A4GALT: variants seen among roughly 807,000 people sequenced by gnomAD.
A4GALT encodes lactosylceramide 4-alpha-galactosyltransferase.
For synonymous variants in A4GALT, 257 were observed against 220.7 expected (o/e 1.16, Z -1.46); for missense variants, 512 against 486.0 (o/e 1.05, Z -0.50).
At chr22:42,706,354 C>CA (rs1164664187) in intron 1 of A4GALT, among the ~76,000 whole-genome samples, 7,125 of 82,506 alleles carry the variant, frequency 0.086, 114 homozygotes, top group Non-Finnish European at 0.11. Flanking sequence ...GACTCCATCC[C>CA]AAAAAAAAAA....
chr22:42,704,582 G>C (rs967865753), intron 1 of A4GALT, among the ~76,000 whole-genome samples: 1 of 151,834 alleles, frequency 6.6e-6, no homozygotes, highest in Non-Finnish European at 1.5e-5. Flanking sequence ...CGGAGCAGAG[G>C]TTACAAAATA....
intron 1 of A4GALT, among the ~76,000 whole-genome samples, chr22:42,701,372 AG>A (rs1931288742): frequency 6.6e-6 from 1 of 152,128 alleles, no homozygotes; most frequent in African/African-American, 2.4e-5. Flanking sequence ...CTCAGACAGG[AG>A]CCCGAGGTGG....
chr22:42,693,639 G>T lies in A4GALT; in HGVS notation c.313C>A (p.His105Asn). ...AGGACCAGCACGTGGGATTCGGGGT[G>T]AGTTCTGGCGGCCGACTCCACCGAG... ...MCSVESAARTHPESHVLVLMK... is the reference protein window; with the variant it reads ...MCSVESAARTNPESHVLVLMK... Residue 105 changes from histidine (H) to asparagine (N), a missense_variant, in exon 3 of 3, where the codon CAC becomes AAC. His to Asn is a moderately conservative substitution (Grantham distance 68). Transcript: ENST00000642412. The T allele has an allele frequency of 6.2e-7, 1 of 1,612,020 alleles. No homozygotes were observed. Among genetic ancestry groups the T allele is most frequent in the South Asian group, 1.1e-5 (1 of 90,996 alleles).
At chr22:42,704,291 C>G (rs28992190) in intron 1 of A4GALT, among the ~76,000 whole-genome samples, 193 of 151,862 alleles carry the variant, frequency 1.3e-3, no homozygotes, top group African/African-American at 4.1e-3. Context: ...GACTAGCCTG[C>G]CCAATATGGT....
intron 1 of A4GALT, among the ~76,000 whole-genome samples, chr22:42,709,069 T>TA (rs1569059842): frequency 7.2e-4 from 33 of 46,056 alleles, no homozygotes; most frequent in African/African-American, 1.2e-3. Flanking sequence ...ATATATATAT[T>TA]TTTTTTAAGA....
intron 1 of A4GALT, among the ~76,000 whole-genome samples, 171 bp from the exon 2 acceptor site, chr22:42,695,802 C>G (rs1175358071): frequency 6.6e-6 from 1 of 152,110 alleles, no homozygotes; most frequent in Non-Finnish European, 1.5e-5. Flanking sequence ...CACTGGTACC[C>G]AGGAGAAGGG....
In A4GALT at chr22:42,694,017, G is replaced by A. The variant is rs1055819695; in HGVS notation, c.-46-20C>T. On this transcript the variant is annotated intron_variant, in intron 2 of 2. Coordinates refer to ENST00000642412, the MANE Select transcript of A4GALT (RefSeq NM_017436.7). ...GCTGGTCTGCAAGAGATGAGCACCC[G>A]CCATCAGGGAGGCCGTTGGCATTCC... is the stretch of plus-strand genomic sequence containing the variant. 23 of 1,385,212 alleles carry A rather than the reference G, an allele frequency of 1.7e-5. No homozygotes were observed. Among genetic ancestry groups the A allele is most frequent in the Middle Eastern group, 1.8e-4 (1 of 5,628 alleles). 85.8% of individuals were successfully genotyped at this position (1,385,212 alleles called of 1,614,324 possible). A position where few individuals can be genotyped will look rare whatever the true frequency, so the allele number is the denominator to read the frequency against.
At chr22:42,704,325 T>C (rs533762750) in intron 1 of A4GALT, among the ~76,000 whole-genome samples, 41 of 151,674 alleles carry the variant, frequency 2.7e-4, no homozygotes, top group Non-Finnish European at 4.7e-4. Flanking sequence ...TACTAAAAAA[T>C]ACAAAAATTA....
chr22:42,692,526 C>T lies in A4GALT; in HGVS notation c.*364G>A, dbSNP rs1191502549. ...CTCTCTGGGAATCTTGTCCCTTCTT[C>T]CCCATCCCCTTAGCACCGGCCTCTG... On this transcript the variant is annotated 3_prime_UTR_variant, in exon 3 of 3. Coordinates refer to ENST00000642412, the MANE Select transcript of A4GALT (RefSeq NM_017436.7). This position sits in a 1 kb window ranked among gnomAD's most constrained non-coding sequence, Gnocchi z 4.6. 5.0e-6 allele frequency: 2 copies of T among 402,708 alleles called. No homozygotes were observed. The highest frequency in any genetic ancestry group is 1.2e-4 in the East Asian group (2 of 16,246). The allele number at this position is 402,708 out of a possible 1,614,324, so 24.9% of individuals were successfully genotyped here. A position where few individuals can be genotyped will look rare whatever the true frequency, so the allele number is the denominator to read the frequency against.
intron 1 of A4GALT, among the ~76,000 whole-genome samples, chr22:42,706,595 G>A (rs551364462): frequency 6.6e-6 from 1 of 152,048 alleles, no homozygotes; most frequent in East Asian, 1.9e-4. Flanking sequence ...AGGAGTTCGA[G>A]ACCAGCCTGA....
At chr22:42,708,120 G>A (rs1921318899) in intron 1 of A4GALT, among the ~76,000 whole-genome samples, 1 of 151,700 alleles carries the variant, frequency 6.6e-6, no homozygotes, top group Non-Finnish European at 1.5e-5. Flanking sequence ...GGGTGTGGTG[G>A]CACCTACCTG....
At position 42,692,628 on chromosome 22, in the gene A4GALT, CTGT is replaced by C. The variant is rs1280056052; in HGVS notation, c.*259_*261del. ...GTGCCCTGAGGTTCATCCTTCCTGC[CTGT>C]TGTCTAGAAGGCCCGGGGCACTCAC... On this transcript the variant is annotated 3_prime_UTR_variant, in exon 3 of 3. Coordinates refer to ENST00000642412, the MANE Select transcript of A4GALT (RefSeq NM_017436.7). This position sits in a 1 kb window ranked among gnomAD's most constrained non-coding sequence, Gnocchi z 4.6. The C allele has an allele frequency of 1.6e-6, 1 of 625,410 alleles. No homozygotes were observed. The highest frequency in any genetic ancestry group is 2.1e-5 in the Admixed American group (1 of 47,374). 38.7% of individuals were successfully genotyped at this position (625,410 alleles called of 1,614,324 possible).
At chr22:42,706,220 T>C (rs1664614359) in intron 1 of A4GALT, among the ~76,000 whole-genome samples, 1 of 149,546 alleles carries the variant, frequency 6.7e-6, no homozygotes, top group Admixed American at 6.7e-5. Flanking sequence ...CCAGGCGTGG[T>C]GGCGGGCACC....
At chr22:42,714,838 T>C (rs1368060454) in intron 1 of A4GALT, among the ~76,000 whole-genome samples, 1 of 151,708 alleles carries the variant, frequency 6.6e-6, no homozygotes, top group Non-Finnish European at 1.5e-5. Context: ...CTCAGGGAGA[T>C]GGGCTGCGGG....
Position 42,693,098 on chromosome 22 carries a change from TA to T in A4GALT, c.853del (p.Tyr285ThrfsTer65). On this transcript the variant is annotated frameshift_variant, in exon 3 of 3. Coordinates refer to ENST00000642412, the MANE Select transcript of A4GALT (RefSeq NM_017436.7). LOFTEE classifies it high-confidence loss of function. Reference sequence around the variant, plus strand: ...CTTCCAGTCCTGCCAGGGGATGGGGTAGAAGGCCTCAGGGGGCAGGGTGGTG... The same window carrying T: ...CTTCCAGTCCTGCCAGGGGATGGGGTGAAGGCCTCAGGGGGCAGGGTGGTG... ...GVTTLPPEAF[Y>X]PIPWQDWKKY... 6.2e-7 allele frequency: 1 copy of T among 1,612,362 alleles called. No homozygotes were observed. Among genetic ancestry groups the T allele is most frequent in the Non-Finnish European group, 8.5e-7 (1 of 1,179,492 alleles).
Position 42,693,598 on chromosome 22 carries a change from C to G in A4GALT, c.354G>C (p.Pro118=). Residue 118 remains proline (P), a synonymous_variant, in exon 3 of 3, where the codon CCG becomes CCC. Transcript: ENST00000642412. The stretch of plus-strand genomic sequence containing the variant: ...GCCGGGGCAGAGAGGCGTTGCCACC[C>G]GGAAGCCCTTTCATCAGGACCAGCA... The part of the protein sequence containing the change: ...SHVLVLMKGL[P]GGNASLPRHL... 6.2e-7 allele frequency: 1 copy of G among 1,613,702 alleles called. No individual in the cohort carries two copies. Among genetic ancestry groups the G allele is most frequent in the Middle Eastern group, 1.6e-4 (1 of 6,062 alleles).
intron 1 of A4GALT, among the ~76,000 whole-genome samples, chr22:42,709,885 A>T (rs999965103): frequency 6.6e-6 from 1 of 152,234 alleles, no homozygotes; most frequent in African/African-American, 2.4e-5. Context: ...TTAGGAAATC[A>T]TGAATATAAT....
Position 42,692,893 on chromosome 22 carries a change from C to T in A4GALT, c.1059G>A (p.Leu353=), listed in dbSNP as rs759929569. 1 of 1,601,324 alleles carries T rather than the reference C, an allele frequency of 6.2e-7. No homozygotes were observed. Among genetic ancestry groups the T allele is most frequent in the South Asian group, 1.1e-5 (1 of 91,046 alleles). Residue 353 remains leucine, a synonymous_variant, in exon 3 of 3, where the codon TTG becomes TTA. Transcript: ENST00000642412. The surrounding 1 kb of genome is among the most constrained non-coding windows in gnomAD (Gnocchi z 4.6). The part of the protein sequence containing the change: ...PTTHEAMKMY[L] ...GGGAGGTGACCTGGCGGGCCCCTCACAAGTACATTTTCATGGCCTCGTGCG... is the reference window on the plus strand; with the variant it reads ...GGGAGGTGACCTGGCGGGCCCCTCATAAGTACATTTTCATGGCCTCGTGCG...
intron 1 of A4GALT, among the ~76,000 whole-genome samples, chr22:42,715,672 C>T (rs1922107359): frequency 6.6e-6 from 1 of 151,924 alleles, no homozygotes. Context: ...CATGATTGCA[C>T]CAGTGCACTC....
Sources: allele counts gnomAD v4.1 joint callset (sites outside exome capture counted in the v4.1 genomes callset), GRCh38; gene constraint gnomAD v4.1.1; non-coding constraint Gnocchi (gnomAD v3.1); transcripts MANE v1.5; gene names NCBI Gene and HGNC (gene_info 2026-07-23, HGNC 2026-07-21).